NIM1K: variants seen among roughly 807,000 people sequenced by gnomAD.
NIM1K encodes NIM1 serine/threonine protein kinase, also known as serine/threonine-protein kinase NIM1.
NIM1K carries 35 observed loss-of-function variants against 37.1 expected under a neutral mutation model. The observed-to-expected ratio is 0.94, with a 90% CI of 0.72 to 1.25. The LOEUF (loss-of-function observed/expected upper bound fraction) is 1.25. Among genes scored for constraint, NIM1K ranks in the 50% most tolerant of loss-of-function variants. The probability of loss-of-function intolerance (pLI) is 0.00; values close to 1 mark genes in which losing one functional copy is unlikely to be tolerated. For missense variants in NIM1K, 564 were observed against 548.0 expected, an observed-to-expected ratio of 1.03 and a Z score of -0.29; for synonymous variants, 234 against 206.6, an observed-to-expected ratio of 1.13 and a Z score of -1.14.
intron 1 of NIM1K, among the ~76,000 whole-genome samples, chr5:43,221,409 C>T (rs1426940532): frequency 6.8e-6 from 1 of 146,178 alleles, no homozygotes; most frequent in Non-Finnish European, 1.5e-5. Context: ...CAAGACTGCG[C>T]CACTGCACTC....
chr5:43,216,685 A>G (rs1752304611), intron 1 of NIM1K, among the ~76,000 whole-genome samples: 1 of 152,198 alleles, frequency 6.6e-6, no homozygotes, highest in Non-Finnish European at 1.5e-5. Flanking sequence ...CCGATTGTAT[A>G]AGTCTTTATA....
At chr5:43,238,191 C>T (rs34831299) in intron 1 of NIM1K, among the ~76,000 whole-genome samples, 64,507 of 151,594 alleles carry the variant, frequency 0.43, 14,703 homozygotes, top group Non-Finnish European at 0.5. Context: ...TACAGGCGCC[C>T]GCCACCACGC....
At chr5:43,234,765 G>T (rs1752593294) in intron 1 of NIM1K, among the ~76,000 whole-genome samples, 1 of 152,140 alleles carries the variant, frequency 6.6e-6, no homozygotes, top group Non-Finnish European at 1.5e-5. Context: ...CTCCTGAGTA[G>T]CGGGGATTAC....
chr5:43,223,795 T>G (rs1752414493), intron 1 of NIM1K, among the ~76,000 whole-genome samples: 1 of 152,210 alleles, frequency 6.6e-6, no homozygotes, highest in African/African-American at 2.4e-5. Context: ...TTGTTTCAAA[T>G]TAGGTTGATA....
chr5:43,225,097 A>G (rs1752435663), intron 1 of NIM1K, among the ~76,000 whole-genome samples: 1 of 152,082 alleles, frequency 6.6e-6, no homozygotes, highest in Non-Finnish European at 1.5e-5. Context: ...TTGATTAGCG[A>G]TTGACTATAT....
chr5:43,269,035 C>T (rs923743540), intron 2 of NIM1K, among the ~76,000 whole-genome samples: 27 of 152,038 alleles, frequency 1.8e-4, no homozygotes, highest in African/African-American at 4.3e-4. Context: ...TACCCGGGCA[C>T]GGTGGCTCAC....
intron 1 of NIM1K, among the ~76,000 whole-genome samples, chr5:43,237,192 C>T (rs146199284): frequency 3.2e-4 from 49 of 152,244 alleles, no homozygotes; most frequent in Middle Eastern, 6.8e-3. Flanking sequence ...CTAAGAGCCT[C>T]GCCCAGAAGT....
intron 1 of NIM1K, among the ~76,000 whole-genome samples, chr5:43,199,869 C>T (rs367569158): frequency 4.9e-4 from 74 of 152,218 alleles, no homozygotes; most frequent in African/African-American, 1.7e-3. Flanking sequence ...ACCTGTTGTC[C>T]TAGTGTGATT....
At chr5:43,256,840 T>C (rs1386123866) in intron 2 of NIM1K, among the ~76,000 whole-genome samples, 1 of 152,168 alleles carries the variant, frequency 6.6e-6, no homozygotes, top group African/African-American at 2.4e-5. Flanking sequence ...TGGACACTTG[T>C]TTAATAACAC....
chr5:43,213,611 A>C (rs553183478), intron 1 of NIM1K, among the ~76,000 whole-genome samples: 2 of 152,206 alleles, frequency 1.3e-5, no homozygotes, highest in African/African-American at 4.8e-5. Context: ...CTCCTGCCTC[A>C]GCCTCCAGAG....
Position 43,280,046 on chromosome 5 carries a change from G to A in NIM1K, c.628G>A (p.Val210Met). ...TGTATTCTATACCAGTAATACTTGTGTGAAGGTGGGCGATTTTGGATTCAG... is the reference window on the plus strand; with the variant it reads ...TGTATTCTATACCAGTAATACTTGTATGAAGGTGGGCGATTTTGGATTCAG... ...ENVFYTSNTC[V>M]KVGDFGFSTV... Residue 210 changes from valine (V) to methionine (M), a missense_variant, in exon 4 of 4, where the codon GTG becomes ATG. Val to Met is a conservative substitution (Grantham distance 21). Coordinates refer to ENST00000326035, the MANE Select transcript of NIM1K (RefSeq NM_153361.4). 1.2e-6 allele frequency: 2 copies of A among 1,614,156 alleles called. No homozygotes were observed. Among genetic ancestry groups the A allele is most frequent in the Non-Finnish European group, 1.7e-6 (2 of 1,180,000 alleles).
chr5:43,257,398 C>A (rs548014560), intron 2 of NIM1K, among the ~76,000 whole-genome samples: 46 of 133,842 alleles, frequency 3.4e-4, no homozygotes, highest in African/African-American at 9.2e-4. Flanking sequence ...GATGGAGTCT[C>A]GCTCTGTCAC....
chr5:43,209,893 G>A (rs1233321034), intron 1 of NIM1K, among the ~76,000 whole-genome samples: 2 of 152,202 alleles, frequency 1.3e-5, no homozygotes, highest in Non-Finnish European at 2.9e-5. Context: ...GGGATTACAG[G>A]CATAAGTCAC....
At chr5:43,202,408 T>C (rs1210561780) in intron 1 of NIM1K, among the ~76,000 whole-genome samples, 1 of 152,182 alleles carries the variant, frequency 6.6e-6, no homozygotes, top group East Asian at 1.9e-4. Context: ...CTGATATAGC[T>C]GAAAGAGACA....
At chr5:43,255,963 T>C (rs1316750297) in intron 2 of NIM1K, among the ~76,000 whole-genome samples, 1 of 151,682 alleles carries the variant, frequency 6.6e-6, no homozygotes, top group East Asian at 1.9e-4. Flanking sequence ...CCTGCAGTAC[T>C]CTTGAAACAG....
intron 1 of NIM1K, among the ~76,000 whole-genome samples, chr5:43,215,939 G>T (rs1296781867): frequency 6.6e-6 from 1 of 152,172 alleles, no homozygotes; most frequent in African/African-American, 2.4e-5. Flanking sequence ...AATGACTGCA[G>T]ATACCTACAT....
intron 3 of NIM1K, among the ~76,000 whole-genome samples, chr5:43,277,784 G>T (rs1418582104): frequency 8.9e-6 from 1 of 112,896 alleles, no homozygotes; most frequent in Non-Finnish European, 1.9e-5. Flanking sequence ...CTCTCCGTGT[G>T]TGTGTGTGTG....
chr5:43,230,243 G>A (rs550424686), intron 1 of NIM1K, among the ~76,000 whole-genome samples: 1 of 151,940 alleles, frequency 6.6e-6, no homozygotes, highest in Non-Finnish European at 1.5e-5. Flanking sequence ...TGTAGTGATG[G>A]GTTTAGGCTC....
At chr5:43,249,590 G>A (rs1379427264) in intron 2 of NIM1K, among the ~76,000 whole-genome samples, 1 of 152,190 alleles carries the variant, frequency 6.6e-6, no homozygotes, top group Non-Finnish European at 1.5e-5. Flanking sequence ...ACCAAAACAG[G>A]TGATGCCTTT....
Sources: gnomAD v4.1 joint callset for allele counts (sites outside exome capture counted in the v4.1 genomes callset) on GRCh38, gnomAD v4.1.1 for gene constraint, MANE v1.5 for transcripts, NCBI Gene and HGNC (gene_info 2026-07-23, HGNC 2026-07-21) for gene names.